ASCC1: variants seen among roughly 807,000 people sequenced by gnomAD.
The protein encoded by ASCC1 is activating signal cointegrator 1 complex subunit 1, also known as ASC-1 complex subunit P50.
In ASCC1, 35 loss-of-function variants were observed where a neutral mutation model predicts 46.6. The ratio of observed to expected loss-of-function variants is 0.75; its 90% CI spans 0.57 to 0.99. ASCC1 has a LOEUF of 0.99. ASCC1 is among the 50% of genes least tolerant of loss of function. The probability of loss-of-function intolerance (pLI) is 0.00; values close to 1 mark genes in which losing one functional copy is unlikely to be tolerated. For missense variants in ASCC1, 376 were observed against 428.7 expected (o/e 0.88, Z 1.09); for synonymous variants, 143 against 146.6 (o/e 0.98, Z 0.18).
intron 7 of ASCC1, among the ~76,000 whole-genome samples, chr10:72,141,094 T>TAGATAC (rs1846945948): frequency 2.0e-5 from 3 of 152,000 alleles, no homozygotes; most frequent in African/African-American, 2.4e-5. Context: ...GATATAGATA[T>TAGATAC]AGACATAGAG....
intron 2 of ASCC1, among the ~76,000 whole-genome samples, chr10:72,211,092 T>C (rs1201181731): frequency 1.3e-5 from 2 of 152,198 alleles, no homozygotes; most frequent in East Asian, 3.8e-4. Flanking sequence ...ATGCATACGG[T>C]AGTTCCCCCC....
At position 72,097,105 on chromosome 10, in the gene ASCC1, C is replaced by A. The variant is rs939624117; in HGVS notation, c.*229G>T. On this transcript the variant is annotated 3_prime_UTR_variant, in exon 10 of 10. Transcript: ENST00000672957. ...AATTTAAAAATTAAAAGAAAAAAAA[C>A]CAGAACACACTAAGGGTTATAGGCA... The A allele has an allele frequency of 4.8e-5, 28 of 578,044 alleles. No homozygotes were observed. The highest frequency in any genetic ancestry group is 1.9e-4 in the East Asian group (5 of 25,704). The allele number at this position is 578,044 out of a possible 1,614,324, so 35.8% of individuals were successfully genotyped here.
intron 9 of ASCC1, chr10:72,102,281 A>G (rs1170695174): frequency 6.7e-7 from 1 of 1,494,628 alleles, no homozygotes; most frequent in Admixed American, 2.0e-5. Flanking sequence ...GAGCTACTTC[A>G]TGGGGAAAAC....
chr10:72,160,806 G>A (rs892836614), intron 6 of ASCC1, among the ~76,000 whole-genome samples: 5 of 149,566 alleles, frequency 3.3e-5, no homozygotes, highest in South Asian at 2.1e-4. Flanking sequence ...AAAAGAGGCC[G>A]GGCTTGGTTG....
chr10:72,210,377 C>T (rs1857901641), intron 3 of ASCC1, among the ~76,000 whole-genome samples: 1 of 152,100 alleles, frequency 6.6e-6, no homozygotes, highest in South Asian at 2.1e-4. Context: ...CCAGGCTGGT[C>T]TTGAACTTCT....
chr10:72,096,833 T>A lies in ASCC1; in HGVS notation c.*501A>T, dbSNP rs1295733994. 2.2e-6 allele frequency: 1 copy of A among 453,998 alleles called. No homozygotes were observed. Among genetic ancestry groups the A allele is most frequent in the African/African-American group, 2.0e-5 (1 of 50,000 alleles). 28.1% of individuals were successfully genotyped at this position (453,998 alleles called of 1,614,324 possible). Reference sequence around the variant, plus strand: ...ACAAAAAGACAAGTCACTGTATGATTCCACTTATATGAGATACTGAGAATA... The same window carrying A: ...ACAAAAAGACAAGTCACTGTATGATACCACTTATATGAGATACTGAGAATA... On this transcript the variant is annotated 3_prime_UTR_variant, in exon 10 of 10. Transcript: ENST00000672957.
chr10:72,194,904 G>A (rs140518251), intron 5 of ASCC1, among the ~76,000 whole-genome samples: 2,383 of 151,856 alleles, frequency 0.016, 63 homozygotes, highest in African/African-American at 0.051. Context: ...CACCAGGCCC[G>A]GATAATTTTG....
intron 5 of ASCC1, among the ~76,000 whole-genome samples, chr10:72,182,863 G>T (rs1852839607): frequency 6.7e-6 from 1 of 149,306 alleles, no homozygotes; most frequent in Non-Finnish European, 1.5e-5. Context: ...TGCAATGCCT[G>T]ACCTTACCCT....
chr10:72,182,708 G>C (rs982446712), intron 5 of ASCC1, among the ~76,000 whole-genome samples: 5 of 151,852 alleles, frequency 3.3e-5, no homozygotes, highest in Non-Finnish European at 5.9e-5. Flanking sequence ...GGGTATGGTG[G>C]CTCACATCTA....
chr10:72,181,154 C>A (rs1284278958), intron 5 of ASCC1, among the ~76,000 whole-genome samples: 1 of 152,046 alleles, frequency 6.6e-6, no homozygotes, highest in Non-Finnish European at 1.5e-5. Context: ...TTAGTGGAGA[C>A]AGGGTTTTAC....
At chr10:72,147,426 T>C (rs886360797) in intron 7 of ASCC1, among the ~76,000 whole-genome samples, 2 of 152,126 alleles carry the variant, frequency 1.3e-5, no homozygotes, top group African/African-American at 2.4e-5. Flanking sequence ...CTAATTTTTA[T>C]ATTTTTAGTA....
At chr10:72,153,047 T>G (rs201550840) in intron 6 of ASCC1, 59 bp from the exon 7 acceptor site, 276 of 1,605,038 alleles carry the variant, frequency 1.7e-4, no homozygotes, top group Non-Finnish European at 2.2e-4. Flanking sequence ...GGCTATTTTA[T>G]TTTGAAACAT....
chr10:72,121,242 C>A (rs1482146533), intron 9 of ASCC1, among the ~76,000 whole-genome samples: 1 of 152,198 alleles, frequency 6.6e-6, no homozygotes, highest in Admixed American at 6.5e-5. Flanking sequence ...CTCCCAGGCA[C>A]AAGCGATCCT....
At chr10:72,189,807 A>AG in intron 5 of ASCC1, 1 of 340,996 alleles carries the variant, frequency 2.9e-6, no homozygotes, top group African/African-American at 2.2e-5. Flanking sequence ...CATCTCAAAA[A>AG]AAAAAAAAAA....
intron 9 of ASCC1, among the ~76,000 whole-genome samples, chr10:72,126,395 T>C (rs928151240): frequency 1.3e-5 from 2 of 152,208 alleles, no homozygotes; most frequent in African/African-American, 4.8e-5. Context: ...GGAGCTACAT[T>C]CATATCATCA....
At chr10:72,215,719 T>C (rs1859106112) in intron 1 of ASCC1, 1 of 152,190 alleles carries the variant, frequency 6.6e-6, no homozygotes, top group African/African-American at 2.4e-5. Flanking sequence ...AGCATCTACC[T>C]GTCCTACATG....
intron 5 of ASCC1, among the ~76,000 whole-genome samples, chr10:72,187,028 T>C (rs1030183780): frequency 1.3e-5 from 2 of 150,470 alleles, no homozygotes; most frequent in African/African-American, 4.9e-5. Flanking sequence ...AAAGAATATA[T>C]ACAATGACTG....
chr10:72,147,872 A>C (rs7070702), intron 7 of ASCC1, among the ~76,000 whole-genome samples: 52,518 of 152,114 alleles, frequency 0.35, 9,599 homozygotes, highest in Middle Eastern at 0.43. Flanking sequence ...TGTTAGAGAT[A>C]AAATATTACT....
intron 5 of ASCC1, among the ~76,000 whole-genome samples, chr10:72,194,177 C>T (rs991986911): frequency 2.0e-5 from 3 of 151,992 alleles, no homozygotes; most frequent in African/African-American, 7.2e-5. Context: ...AGCCCCTGCA[C>T]CTGGCCTGAT....
Sources: allele counts gnomAD v4.1 joint callset (sites outside exome capture counted in the v4.1 genomes callset), GRCh38; gene constraint gnomAD v4.1.1; transcripts MANE v1.5; gene names NCBI Gene and HGNC (gene_info 2026-07-23, HGNC 2026-07-21).